Variants in GRIN2A observed in about 807,000 individuals in gnomAD.
The protein encoded by GRIN2A is glutamate receptor ionotropic, NMDA 2A.
Under a neutral mutation model 113.4 loss-of-function variants are expected in GRIN2A, and 22 were observed. The observed-to-expected ratio is 0.19, with a 90% confidence interval of 0.14 to 0.28. The LOEUF is 0.28. Ranked by LOEUF, GRIN2A falls within the 10% of genes least tolerant of loss-of-function variation. GRIN2A has a pLI of 1.00. For synonymous variants in GRIN2A, 827 were observed against 738.4 expected, an observed-to-expected ratio of 1.12 and a Z score of -1.94; for missense variants, 1,502 against 1,887.0, an observed-to-expected ratio of 0.80 and a Z score of 3.78.
chr16:9,924,640 C>T (rs1040226912), intron 3 of GRIN2A, among the ~76,000 whole-genome samples: 5 of 152,072 alleles, frequency 3.3e-5, no homozygotes, highest in African/African-American at 1.2e-4. Context: ...AAAATTCTTC[C>T]TGCCCCCTTT....
intron 2 of GRIN2A, among the ~76,000 whole-genome samples, chr16:9,979,785 C>CTATATATACATATATA (rs2045852868): frequency 8.2e-6 from 1 of 122,348 alleles, no homozygotes; most frequent in East Asian, 3.0e-4. Context: ...GACTATGGGA[C>CTATATATACATATATA]TATATATATA....
chr16:9,966,945 T>C (rs2045566510), intron 2 of GRIN2A, among the ~76,000 whole-genome samples: 1 of 152,220 alleles, frequency 6.6e-6, no homozygotes, highest in African/African-American at 2.4e-5. Context: ...CCCTTCCTTG[T>C]TTAATAGTGA....
intron 4 of GRIN2A, among the ~76,000 whole-genome samples, chr16:9,864,709 A>G (rs1035627169): frequency 1.3e-5 from 2 of 152,188 alleles, no homozygotes; most frequent in Non-Finnish European, 2.9e-5. Context: ...AAGGTTACAG[A>G]ACCTGGAGGT....
intron 11 of GRIN2A, among the ~76,000 whole-genome samples, chr16:9,794,408 C>A (rs1287892634): frequency 6.6e-6 from 1 of 152,246 alleles, no homozygotes; most frequent in East Asian, 1.9e-4. Flanking sequence ...TTAGGTACTG[C>A]TCAGCACTGT....
At chr16:10,099,832 G>A (rs973523782) in intron 2 of GRIN2A, among the ~76,000 whole-genome samples, 1 of 152,184 alleles carries the variant, frequency 6.6e-6, no homozygotes, top group African/African-American at 2.4e-5. Context: ...CACCAGTACT[G>A]AAACGTCTGC....
At chr16:10,010,926 A>G (rs1371214933) in intron 2 of GRIN2A, among the ~76,000 whole-genome samples, 2 of 152,298 alleles carry the variant, frequency 1.3e-5, no homozygotes, top group African/African-American at 4.8e-5. Flanking sequence ...CTTCACCTGA[A>G]GTTGTGGAAC....
intron 2 of GRIN2A, among the ~76,000 whole-genome samples, chr16:10,128,823 G>T (rs1285452511): frequency 1.3e-5 from 2 of 152,196 alleles, no homozygotes; most frequent in African/African-American, 4.8e-5. Context: ...CAAAAGGCAA[G>T]AAAAGTTTCT....
At chr16:10,087,853 A>ATTTTT (rs376085870) in intron 2 of GRIN2A, among the ~76,000 whole-genome samples, 2 of 108,466 alleles carry the variant, frequency 1.8e-5, no homozygotes, top group African/African-American at 3.6e-5. Context: ...TGCCCAGCTA[A>ATTTTT]TTTTTTTTTT....
intron 3 of GRIN2A, among the ~76,000 whole-genome samples, chr16:9,894,742 C>T (rs1295114746): frequency 6.6e-6 from 1 of 152,192 alleles, no homozygotes; most frequent in Non-Finnish European, 1.5e-5. Context: ...GTCACATTGT[C>T]TGGCATACTG....
intron 2 of GRIN2A, chr16:10,037,188 G>T (rs1815730817): frequency 6.6e-6 from 1 of 152,112 alleles, no homozygotes. Context: ...ATGCTGACCT[G>T]GTCGGTCATT....
At chr16:9,890,173 G>A (rs746879573) in intron 4 of GRIN2A, among the ~76,000 whole-genome samples, 4 of 152,186 alleles carry the variant, frequency 2.6e-5, no homozygotes, top group Non-Finnish European at 5.9e-5. Context: ...CAGAGGTCAT[G>A]CATTGCTTGT....
At chr16:9,994,827 T>C (rs1343467295) in intron 2 of GRIN2A, among the ~76,000 whole-genome samples, 1 of 152,214 alleles carries the variant, frequency 6.6e-6, no homozygotes, top group East Asian at 1.9e-4. Flanking sequence ...TGTCTCCTGT[T>C]GCTATGGTAA....
At chr16:9,916,596 C>T (rs1377516482) in intron 3 of GRIN2A, among the ~76,000 whole-genome samples, 1 of 152,206 alleles carries the variant, frequency 6.6e-6, no homozygotes, top group Non-Finnish European at 1.5e-5. Flanking sequence ...GATTAACAGA[C>T]ACCTGGTATT....
chr16:10,121,949 G>T (rs776300580), intron 2 of GRIN2A, among the ~76,000 whole-genome samples: 12 of 152,158 alleles, frequency 7.9e-5, no homozygotes, highest in Non-Finnish European at 1.5e-4. Context: ...AAACAAGAGA[G>T]AAGCATGGTC....
chr16:10,152,684 T>C (rs1222960597), intron 2 of GRIN2A, among the ~76,000 whole-genome samples: 1 of 152,164 alleles, frequency 6.6e-6, no homozygotes, highest in East Asian at 1.9e-4. Flanking sequence ...GCAATAGTGC[T>C]GAGGTCAGAA....
intron 2 of GRIN2A, among the ~76,000 whole-genome samples, chr16:9,951,937 C>T (rs2045193933): frequency 6.6e-6 from 1 of 152,108 alleles, no homozygotes; most frequent in South Asian, 2.1e-4. Context: ...ACTCCTTCCT[C>T]AGGGCTCAGA....
intron 3 of GRIN2A, among the ~76,000 whole-genome samples, chr16:9,936,103 C>G (rs547012538): frequency 6.6e-6 from 1 of 152,154 alleles, no homozygotes; most frequent in Non-Finnish European, 1.5e-5. Context: ...ACTTTTCATG[C>G]GGCACCTCAA....
intron 2 of GRIN2A, among the ~76,000 whole-genome samples, chr16:10,041,952 A>G (rs2047174118): frequency 1.3e-5 from 2 of 152,098 alleles, no homozygotes; most frequent in Non-Finnish European, 2.9e-5. Context: ...GTCCCGGTGC[A>G]TCTTACACTC....
intron 2 of GRIN2A, among the ~76,000 whole-genome samples, chr16:10,069,000 G>A (rs2047700910): frequency 6.6e-6 from 1 of 152,170 alleles, no homozygotes; most frequent in Non-Finnish European, 1.5e-5. Flanking sequence ...CAGGTGGCAA[G>A]AGGAGAGGGA....
Sources: gnomAD v4.1 joint callset for allele counts (sites outside exome capture counted in the v4.1 genomes callset) on GRCh38, gnomAD v4.1.1 for gene constraint, MANE v1.5 for transcripts, NCBI Gene and HGNC (gene_info 2026-07-23, HGNC 2026-07-21) for gene names.